ARID2: variants seen among roughly 807,000 people sequenced by gnomAD.
ARID2 encodes the protein AT-rich interactive domain-containing protein 2.
In ARID2, 32 loss-of-function variants were observed where a neutral mutation model predicts 184.6. That is an observed-to-expected ratio of 0.17 (90% confidence interval 0.13 to 0.23). ARID2 has a LOEUF of 0.23. Among genes scored for constraint, ARID2 ranks in the 10% least tolerant of loss-of-function variants. The pLI, the probability that ARID2 is intolerant of heterozygous loss-of-function variation, is 1.00. For missense variants in ARID2, 1,696 were observed against 2,197.6 expected (o/e 0.77, Z 4.56); for synonymous variants, 836 against 772.6 (o/e 1.08, Z -1.36).
At position 45,852,828 on chromosome 12, in the gene ARID2, G is replaced by A. The variant is rs78712333; in HGVS notation, c.4705G>A (p.Ala1569Thr). The change falls in exon 15 of 21, where the codon GCA becomes ACA. Residue 1569 changes from alanine to threonine, a missense_variant. By Grantham distance (58) the Ala-to-Thr change is moderately conservative (BLOSUM62 0). Coordinates refer to ENST00000334344, the MANE Select transcript of ARID2 (RefSeq NM_152641.4). ...GADPSTVAKV[A>T]IESAVQQKQQ... ...AGATCCAAGCACTGTAGCTAAAGTA[G>A]CAATAGAAAGTGCTGTTCAGCAAAA... is the stretch of plus-strand genomic sequence containing the variant. 2,408 of 1,613,696 alleles carry A rather than the reference G, an allele frequency of 1.5e-3. 6 individuals carry two copies. The highest frequency in any genetic ancestry group is 1.5e-3 in the Middle Eastern group (9 of 6,054).
rs193269505 is a variant in ARID2 at position 45,871,400 on chromosome 12, T to C, written c.4922+10451T>C. 6.6e-3 allele frequency among the ~76,000 whole-genome samples: 1,008 copies of C among 152,342 alleles called. 8 individuals carry two copies. The highest frequency in any genetic ancestry group is 0.012 in the Admixed American group (185 of 15,302). On this transcript the variant is annotated intron_variant, in intron 16 of 20. Transcript: ENST00000334344. ...TGATTTTTATTTTTTGTCTTGTGAA[T>C]GTGATGGATTACTTCAATTTTTGCT... is the stretch of plus-strand genomic sequence containing the variant.
intron 16 of ARID2, among the ~76,000 whole-genome samples, chr12:45,866,042 G>C (rs1943827136): frequency 6.6e-6 from 1 of 151,670 alleles, no homozygotes; most frequent in Admixed American, 6.6e-5. Flanking sequence ...TTCATATACA[G>C]CTATACTATA....
In ARID2 at chr12:45,768,468, T is replaced by A. The variant is rs149826558; in HGVS notation, c.284+37154T>A. On this transcript the variant is annotated intron_variant, in intron 3 of 20. Transcript: ENST00000334344. ...AGCTGGGTTGTCATTCAAAGAGAAGTGCACCATTGTTCCCCAGCTCCAGAG... is the reference window on the plus strand; with the variant it reads ...AGCTGGGTTGTCATTCAAAGAGAAGAGCACCATTGTTCCCCAGCTCCAGAG... Among the ~76,000 whole-genome samples, 833 of 152,330 alleles carry A rather than the reference T, an allele frequency of 5.5e-3. 7 individuals are homozygous for A. The highest frequency in any genetic ancestry group is 0.019 in the African/African-American group (794 of 41,568).
intron 3 of ARID2, among the ~76,000 whole-genome samples, chr12:45,809,727 T>G (rs1306539621): frequency 1.3e-5 from 2 of 152,166 alleles, no homozygotes; most frequent in Non-Finnish European, 2.9e-5. Flanking sequence ...CTTGCTCAAA[T>G]TAGGCTTATG....
chr12:45,811,818 T>G (rs901797484), intron 4 of ARID2, among the ~76,000 whole-genome samples: 1 of 152,176 alleles, frequency 6.6e-6, no homozygotes, highest in Non-Finnish European at 1.5e-5. Context: ...TAATGATCAG[T>G]TTATCCTAAA....
rs947220348 is a variant in ARID2 at position 45,893,459 on chromosome 12, A to G, written c.5187A>G (p.Ala1729=). ...TVGGTSSTPR[A]QKAIVNHPSA... is the part of the protein sequence containing the mutation. Reference sequence around the variant, plus strand: ...GGGGCACAAGCTCAACTCCTAGAGCACAAAAGGCCATTGTGAATCATCCCA... The same window carrying G: ...GGGGCACAAGCTCAACTCCTAGAGCGCAAAAGGCCATTGTGAATCATCCCA... Residue 1729 remains alanine (A), a synonymous_variant, in exon 19 of 21, where the codon GCA becomes GCG. Coordinates refer to ENST00000334344, the MANE Select transcript of ARID2 (RefSeq NM_152641.4). 2.5e-6 allele frequency: 4 copies of G among 1,613,966 alleles called. No individual in the cohort carries two copies. The African/African-American group carries it at 5.3e-5, about 22-fold the overall frequency.
At chr12:45,866,655 CTG>C (rs774315074) in intron 16 of ARID2, among the ~76,000 whole-genome samples, 27 of 152,186 alleles carry the variant, frequency 1.8e-4, no homozygotes, top group Non-Finnish European at 3.4e-4. Context: ...CTCAAAAAGA[CTG>C]TCAATTTTTA....
intron 15 of ARID2, among the ~76,000 whole-genome samples, chr12:45,853,584 A>G (rs750579607): frequency 2.6e-5 from 4 of 152,216 alleles, no homozygotes; most frequent in East Asian, 3.8e-4. Context: ...TGAGGGTCCA[A>G]TCAGGCTATG....
chr12:45,883,652 CA>C (rs1402740008), intron 16 of ARID2, among the ~76,000 whole-genome samples: 1 of 150,726 alleles, frequency 6.6e-6, no homozygotes, highest in Non-Finnish European at 1.5e-5. Context: ...TTTGAGTAAA[CA>C]ATTATGTAGT....
At chr12:45,804,819 T>G (rs1295816772) in intron 3 of ARID2, among the ~76,000 whole-genome samples, 1 of 152,102 alleles carries the variant, frequency 6.6e-6, no homozygotes, top group Non-Finnish European at 1.5e-5. Context: ...CTTTAGCTTG[T>G]CCTCTAGGTG....
At chr12:45,818,664 C>T (rs1422818722) in intron 5 of ARID2, among the ~76,000 whole-genome samples, 2 of 152,156 alleles carry the variant, frequency 1.3e-5, no homozygotes, top group East Asian at 3.9e-4. Context: ...ATATATAGCA[C>T]AGTAGCAGAG....
chr12:45,840,382 T>G (rs1346394527), intron 11 of ARID2: 2 of 152,196 alleles, frequency 1.3e-5, no homozygotes, highest in East Asian at 3.8e-4. Context: ...CTCCTTCAGT[T>G]ACAAACTTAT....
intron 16 of ARID2, among the ~76,000 whole-genome samples, chr12:45,867,322 A>G (rs184194634): frequency 7.4e-4 from 113 of 151,956 alleles, no homozygotes; most frequent in African/African-American, 2.6e-3. Flanking sequence ...GGATGATCAC[A>G]GTTCACTGTA....
At chr12:45,814,616 A>G (rs1942772683) in intron 4 of ARID2, among the ~76,000 whole-genome samples, 1 of 152,178 alleles carries the variant, frequency 6.6e-6, no homozygotes, top group Non-Finnish European at 1.5e-5. Flanking sequence ...ACAGCACTCC[A>G]GTAGCCTAGG....
rs576129912 is a variant in ARID2, at chr12:45,753,268, C to T, written c.284+21954C>T. On this transcript the variant is annotated intron_variant, in intron 3 of 20. Transcript: ENST00000334344. ...CTAAGATTGTGCCAGTGCACTCCAG[C>T]CTGGGCAACAAGAGCGAAACTCCAT... 2.7e-3 allele frequency among the ~76,000 whole-genome samples: 406 copies of T among 152,040 alleles called. 3 individuals are homozygous for T. Among genetic ancestry groups the T allele is most frequent in the African/African-American group, 7.9e-3 (329 of 41,442 alleles).
At chr12:45,826,475 C>T (rs1400200317) in intron 6 of ARID2, among the ~76,000 whole-genome samples, 1 of 151,952 alleles carries the variant, frequency 6.6e-6, no homozygotes, top group Non-Finnish European at 1.5e-5. Context: ...GGCTAGAGTC[C>T]AGTGGTGCCA....
intron 15 of ARID2, among the ~76,000 whole-genome samples, chr12:45,853,305 TTAACAG>T (rs1387680476): frequency 1.1e-4 from 16 of 152,208 alleles, no homozygotes; most frequent in African/African-American, 3.9e-4. Context: ...TGTTGCCTCT[TTAACAG>T]TACTGTTGTA....
Position 45,904,966 on chromosome 12 carries a change from T to C in ARID2, c.5396T>C (p.Val1799Ala). ...AAGAGACATGAAAATAACTTATCAG[T>C]GCTAGCCATTAGTAACATGGAAGCT... ...LLKRHENNLS[V>A]LAISNMEASS... Residue 1799 changes from valine (V) to alanine (A), a missense_variant, in exon 21 of 21, where the codon GTG (valine) becomes GCG (alanine). Val to Ala is a moderately conservative substitution (Grantham distance 64). Transcript: ENST00000334344. The C allele has an allele frequency of 6.2e-7, 1 of 1,614,000 alleles. No homozygotes were observed. Among genetic ancestry groups the C allele is most frequent in the Non-Finnish European group, 8.5e-7 (1 of 1,179,984 alleles).
intron 3 of ARID2, among the ~76,000 whole-genome samples, chr12:45,731,850 ATTAC>A (rs944706421): frequency 1.3e-5 from 2 of 151,970 alleles, no homozygotes; most frequent in African/African-American, 4.8e-5. Flanking sequence ...TGTTTTGATA[ATTAC>A]TTTTTGTTGA....
Sources: allele counts gnomAD v4.1 joint callset (sites outside exome capture counted in the v4.1 genomes callset), GRCh38; gene constraint gnomAD v4.1.1; transcripts MANE v1.5; gene names NCBI Gene and HGNC (gene_info 2026-07-23, HGNC 2026-07-21).